Variants in PIWIL1 observed in about 807,000 individuals in gnomAD.
PIWIL1 encodes the protein piwi like RNA-mediated gene silencing 1.
In PIWIL1, 73 loss-of-function variants were observed where a neutral mutation model predicts 114.4. The observed-to-expected ratio is 0.64, with a 90% CI of 0.53 to 0.78. The LOEUF (loss-of-function observed/expected upper bound fraction) is 0.78, where lower values mean the gene tolerates loss of function less well. Among genes scored for constraint, PIWIL1 ranks in the 30% least tolerant of loss-of-function variants. The pLI, the probability that PIWIL1 is intolerant of heterozygous loss-of-function variation, is 0.00. For synonymous variants in PIWIL1, 375 were observed against 369.0 expected, an observed-to-expected ratio of 1.02 and a Z score of -0.19; for missense variants, 723 against 1,063.1, an observed-to-expected ratio of 0.68 and a Z score of 4.45.
At chr12:130,385,535 T>C in the PIWIL1 span, among the ~76,000 whole-genome samples, 4 of 152,244 alleles carry the variant, frequency 2.6e-5, no homozygotes, top group African/African-American at 9.6e-5. Flanking sequence ...TAATATATGA[T>C]GCAGTTTAAC....
the PIWIL1 span, among the ~76,000 whole-genome samples, chr12:130,392,305 C>T: frequency 2.0e-5 from 3 of 150,618 alleles, no homozygotes; most frequent in Admixed American, 6.6e-5. Flanking sequence ...ATGACCCGGT[C>T]ACCGTCATCA....
chr12:130,343,881 C>A (rs1035411322), intron 3 of PIWIL1, among the ~76,000 whole-genome samples: 1 of 152,162 alleles, frequency 6.6e-6, no homozygotes, highest in Non-Finnish European at 1.5e-5. Context: ...CCCGGCTTAG[C>A]CTCCCAAAGT....
At chr12:130,421,901 T>G in the PIWIL1 span, among the ~76,000 whole-genome samples, 1 of 152,134 alleles carries the variant, frequency 6.6e-6, no homozygotes. Flanking sequence ...TTCCAAAAAG[T>G]CAGGAAGAGA....
chr12:130,401,118 CT>C, the PIWIL1 span, among the ~76,000 whole-genome samples: 8 of 149,764 alleles, frequency 5.3e-5, no homozygotes, highest in Admixed American at 2.7e-4. Context: ...GATTTTATAT[CT>C]TTTTTTTTTA....
In PIWIL1 at chr12:130,371,341, T is replaced by C. The variant is rs543182488; in HGVS notation, c.2469+18T>C. 8 of 1,613,936 alleles carry C rather than the reference T, an allele frequency of 5.0e-6. No individual in the cohort carries two copies. In the South Asian group the frequency reaches 8.8e-5, roughly 18 times the overall value. On this transcript the variant is annotated intron_variant, in intron 20 of 20. Transcript: ENST00000245255. Reference sequence around the variant, plus strand: ...ACTGGCCAGTAAGTGCTTCTACTTGTTGATGTTTAGCAAATAAAGGACATT... The same window carrying C: ...ACTGGCCAGTAAGTGCTTCTACTTGCTGATGTTTAGCAAATAAAGGACATT...
chr12:130,339,729 C>G (rs2072846602), intron 1 of PIWIL1: 1 of 152,186 alleles, frequency 6.6e-6, no homozygotes, highest in Non-Finnish European at 1.5e-5. Context: ...AGCGCGCCGC[C>G]GTGGGTTTCA....
In PIWIL1 at chr12:130,338,150, C is replaced by CTA; in HGVS notation, c.-13+4_-13+5insTA. On this transcript the variant is annotated splice_donor_region_variant and intron_variant, in intron 1 of 20. Transcript: ENST00000245255. ...AGGGCGAGGGCAGCGGTCCAAGGTG[C>CTA]GGGGCCAGGCTGAGGTGCTAGGTGT... The CTA allele has an allele frequency of 3.2e-6, 1 of 312,072 alleles. No individual in the cohort carries two copies. The highest frequency in any genetic ancestry group is 2.4e-5 in the South Asian group (1 of 41,812). The allele number at this position is 312,072 out of a possible 1,614,324, so 19.3% of individuals were successfully genotyped here. A position where few individuals can be genotyped will look rare whatever the true frequency, so the allele number is the denominator to read the frequency against.
the PIWIL1 span, among the ~76,000 whole-genome samples, chr12:130,394,338 A>G: frequency 6.6e-6 from 1 of 152,252 alleles, no homozygotes. Context: ...TCCGACTGCA[A>G]CAGTGAGCTT....
the PIWIL1 span, among the ~76,000 whole-genome samples, chr12:130,391,022 C>T: frequency 6.7e-6 from 1 of 150,356 alleles, no homozygotes; most frequent in African/African-American, 2.5e-5. Flanking sequence ...GTGCTGTCCC[C>T]GGGGCCCTCG....
chr12:130,395,537 A>AAAG, the PIWIL1 span, among the ~76,000 whole-genome samples: 8 of 152,234 alleles, frequency 5.3e-5, no homozygotes, highest in African/African-American at 1.7e-4. Context: ...AATATTTTCA[A>AAAG]AAGATTTAGA....
intron 14 of PIWIL1, among the ~76,000 whole-genome samples, chr12:130,358,280 G>C (rs2073419842): frequency 6.6e-6 from 1 of 152,194 alleles, no homozygotes; most frequent in African/African-American, 2.4e-5. Context: ...TTAATGACGG[G>C]TGGTTTTCAT....
chr12:130,421,139 G>A, the PIWIL1 span: 1 of 152,102 alleles, frequency 6.6e-6, no homozygotes, highest in African/African-American at 2.4e-5. Context: ...AAAGCCAGGA[G>A]AACCGATTTA....
At chr12:130,420,901 G>A in the PIWIL1 span, 1 of 152,176 alleles carries the variant, frequency 6.6e-6, no homozygotes, top group Non-Finnish European at 1.5e-5. This position sits in a 1 kb window ranked among gnomAD's most constrained non-coding sequence, Gnocchi z 4.3. Context: ...CTCTTCCAAA[G>A]GACGTCCTTT....
At chr12:130,359,340 G>A (rs915455297) in intron 14 of PIWIL1, among the ~76,000 whole-genome samples, 1 of 152,166 alleles carries the variant, frequency 6.6e-6, no homozygotes, top group African/African-American at 2.4e-5. Context: ...GTCCATAGTG[G>A]AAGAAAGTAG....
chr12:130,381,687 G>T, the PIWIL1 span, among the ~76,000 whole-genome samples: 2 of 152,228 alleles, frequency 1.3e-5, no homozygotes, highest in African/African-American at 2.4e-5. Context: ...ACCAAGCAGT[G>T]TGCTTCGTAA....
At chr12:130,421,442 A>G in the PIWIL1 span, among the ~76,000 whole-genome samples, 2 of 152,256 alleles carry the variant, frequency 1.3e-5, no homozygotes, top group East Asian at 1.9e-4. Context: ...TTTGAATTGT[A>G]CAAGGAAGAA....
At chr12:130,371,094 G>A (rs2073805210) in intron 19 of PIWIL1, 82 bp from the exon 20 acceptor site, 2 of 1,126,598 alleles carry the variant, frequency 1.8e-6, no homozygotes. Flanking sequence ...AGTGAAGAGT[G>A]GTACAGAGCT....
intron 5 of PIWIL1, 125 bp from the exon 6 acceptor site, chr12:130,346,816 T>A (rs2073082112): frequency 8.0e-7 from 1 of 1,252,758 alleles, no homozygotes; most frequent in Non-Finnish European, 1.1e-6. Context: ...CAGAGCCATT[T>A]AAAAAAAATC....
chr12:130,399,798 G>T, the PIWIL1 span: 7 of 1,614,032 alleles, frequency 4.3e-6, no homozygotes, highest in Admixed American at 1.2e-4. Flanking sequence ...AGGCCTTTCT[G>T]CCCATTCAGC....
Sources: allele counts gnomAD v4.1 joint callset (sites outside exome capture counted in the v4.1 genomes callset), GRCh38; gene constraint gnomAD v4.1.1; non-coding constraint Gnocchi (gnomAD v3.1); transcripts MANE v1.5; gene names NCBI Gene and HGNC (gene_info 2026-07-23, HGNC 2026-07-21).